Variants in QTMAN observed in about 807,000 individuals in gnomAD.
QTMAN encodes the protein tRNA-queuosine alpha-mannosyltransferase.
At chr2:144,246,369 C>A in the QTMAN span, among the ~76,000 whole-genome samples, 1 of 150,102 alleles carries the variant, frequency 6.7e-6, no homozygotes, top group Admixed American at 6.6e-5. Context: ...GTCAGGAGAT[C>A]GAGACCATCC....
the QTMAN span, chr2:144,141,933 C>G: frequency 6.2e-7 from 1 of 1,611,700 alleles, no homozygotes; most frequent in Non-Finnish European, 8.5e-7. Flanking sequence ...GCACTTGGGT[C>G]TGATGATGCT....
the QTMAN span, among the ~76,000 whole-genome samples, chr2:144,053,158 TAAATA>T: frequency 1.3e-5 from 2 of 152,050 alleles, no homozygotes; most frequent in Non-Finnish European, 2.9e-5. Flanking sequence ...AGAAATGAAA[TAAATA>T]AGAGGAAAAG....
the QTMAN span, among the ~76,000 whole-genome samples, chr2:144,293,814 CA>C: frequency 6.6e-6 from 1 of 152,176 alleles, no homozygotes; most frequent in Non-Finnish European, 1.5e-5. Context: ...AGACTACATG[CA>C]GGCAAGTTTA....
the QTMAN span, among the ~76,000 whole-genome samples, chr2:144,047,360 G>A: frequency 2.0e-5 from 3 of 152,060 alleles, no homozygotes; most frequent in African/African-American, 7.2e-5. Flanking sequence ...GTAGAGACAC[G>A]GTAAGGCATC....
the QTMAN span, among the ~76,000 whole-genome samples, chr2:144,248,996 T>C: frequency 2.0e-5 from 3 of 152,192 alleles, no homozygotes; most frequent in Non-Finnish European, 4.4e-5. Flanking sequence ...TACTTAAGAA[T>C]TCAGTTTTTA....
the QTMAN span, among the ~76,000 whole-genome samples, chr2:143,962,634 G>A: frequency 2.0e-5 from 3 of 152,028 alleles, no homozygotes; most frequent in African/African-American, 7.2e-5. Context: ...AGGAGTCAAG[G>A]GCCCAGAAGA....
chr2:144,057,128 G>A, the QTMAN span, among the ~76,000 whole-genome samples: 24 of 152,198 alleles, frequency 1.6e-4, no homozygotes, highest in African/African-American at 5.5e-4. Context: ...TGGCCAAGAC[G>A]TTGAACTTCC....
chr2:144,078,351 C>A, the QTMAN span, among the ~76,000 whole-genome samples: 1 of 152,212 alleles, frequency 6.6e-6, no homozygotes, highest in Non-Finnish European at 1.5e-5. Flanking sequence ...GAAATGTGTG[C>A]CAACTGTCTG....
chr2:144,231,993 T>C, the QTMAN span, among the ~76,000 whole-genome samples: 1 of 152,112 alleles, frequency 6.6e-6, no homozygotes, highest in South Asian at 2.1e-4. Context: ...TTCGCTGGCA[T>C]GCCTTCGCAA....
the QTMAN span, among the ~76,000 whole-genome samples, chr2:144,079,246 G>T: frequency 2.6e-5 from 4 of 152,104 alleles, no homozygotes; most frequent in African/African-American, 7.2e-5. Flanking sequence ...AAAATTGAAT[G>T]AAGAGGTTTG....
At chr2:144,314,295 G>T in the QTMAN span, among the ~76,000 whole-genome samples, 1 of 152,006 alleles carries the variant, frequency 6.6e-6, no homozygotes, top group East Asian at 1.9e-4. Flanking sequence ...GATACAAAAG[G>T]GTATATACTC....
At chr2:144,303,445 A>G in the QTMAN span, among the ~76,000 whole-genome samples, 1 of 152,194 alleles carries the variant, frequency 6.6e-6, no homozygotes, top group African/African-American at 2.4e-5. Context: ...CTCAATATGG[A>G]CAAAATACTG....
At chr2:144,137,935 A>T in the QTMAN span, among the ~76,000 whole-genome samples, 1 of 152,228 alleles carries the variant, frequency 6.6e-6, no homozygotes, top group South Asian at 2.1e-4. Flanking sequence ...GAATTCACTA[A>T]TGATTATCTC....
the QTMAN span, among the ~76,000 whole-genome samples, chr2:144,188,050 G>A: frequency 6.6e-6 from 1 of 152,188 alleles, no homozygotes; most frequent in African/African-American, 2.4e-5. Context: ...AGGCAAGGAA[G>A]GATTCATCCC....
At chr2:144,301,976 G>T in the QTMAN span, among the ~76,000 whole-genome samples, 6 of 152,266 alleles carry the variant, frequency 3.9e-5, no homozygotes, top group African/African-American at 1.4e-4. Flanking sequence ...TTATCTGAAG[G>T]ACTATCTGAA....
chr2:144,105,505 T>G, the QTMAN span, among the ~76,000 whole-genome samples: 1 of 152,186 alleles, frequency 6.6e-6, no homozygotes, highest in Non-Finnish European at 1.5e-5. Flanking sequence ...AGGGTATCAG[T>G]GATTGAAGAT....
chr2:144,141,496 C>CTGA, the QTMAN span, among the ~76,000 whole-genome samples: 1 of 149,842 alleles, frequency 6.7e-6, no homozygotes, highest in Non-Finnish European at 1.5e-5. Flanking sequence ...TTAACATTGA[C>CTGA]TTATCTAGAC....
chr2:144,262,166 G>C, the QTMAN span, among the ~76,000 whole-genome samples: 1 of 152,050 alleles, frequency 6.6e-6, no homozygotes, highest in Non-Finnish European at 1.5e-5. Context: ...GAAAATGTAA[G>C]GTTATTTAGT....
At chr2:144,228,319 G>GA in the QTMAN span, among the ~76,000 whole-genome samples, 3 of 151,758 alleles carry the variant, frequency 2.0e-5, no homozygotes, top group African/African-American at 4.8e-5. Flanking sequence ...TTACTAGCTA[G>GA]AAAAAAAAGA....
Sources: allele counts gnomAD v4.1 joint callset (sites outside exome capture counted in the v4.1 genomes callset), GRCh38; gene constraint gnomAD v4.1.1; transcripts MANE v1.5; gene names NCBI Gene and HGNC (gene_info 2026-07-23, HGNC 2026-07-21).